Variants in SHANK2 observed in about 807,000 individuals in gnomAD.
The protein encoded by SHANK2 is SH3 and multiple ankyrin repeat domains protein 2.
A neutral mutation model predicts 133.7 loss-of-function variants in SHANK2; 43 were observed. The ratio of observed to expected loss-of-function variants is 0.32; its 90% CI spans 0.25 to 0.41. The LOEUF is 0.41. Among genes scored for constraint, SHANK2 ranks in the 10% least tolerant of loss-of-function variants. SHANK2 has a pLI of 1.00. For missense variants in SHANK2, 1,994 were observed against 2,235.8 expected (o/e 0.89, Z 2.18); for synonymous variants, 1,017 against 952.8 (o/e 1.07, Z -1.24).
intron 14 of SHANK2, among the ~76,000 whole-genome samples, chr11:70,793,089 A>G (rs1236326612): frequency 2.6e-5 from 4 of 152,226 alleles, no homozygotes; most frequent in African/African-American, 9.7e-5. Flanking sequence ...ACTAACGTGG[A>G]AGAAAAAAAG....
intron 8 of SHANK2, among the ~76,000 whole-genome samples, chr11:71,077,479 G>A: frequency 6.6e-6 from 1 of 152,254 alleles, no homozygotes; most frequent in East Asian, 1.9e-4. Context: ...CCAAGAGCAT[G>A]CTTCCATTTT....
intron 10 of SHANK2, among the ~76,000 whole-genome samples, chr11:70,905,102 G>A (rs782689434): frequency 1.3e-5 from 2 of 152,146 alleles, no homozygotes; most frequent in Non-Finnish European, 2.9e-5. Flanking sequence ...CAGGAGCAAG[G>A]ACAGCCCCAC....
intron 17 of SHANK2, among the ~76,000 whole-genome samples, chr11:70,573,253 G>A (rs543042887): frequency 7.2e-6 from 1 of 139,290 alleles, no homozygotes; most frequent in East Asian, 2.3e-4. Context: ...TGTGATGTGA[G>A]CTGGGTGGTC....
In SHANK2 at chr11:70,824,503, C is replaced by T. The variant is rs115906083; in HGVS notation, c.1175-3821G>A. ...ATCCATGAACGCCACCCAGGCTGGC[C>T]GGGGAGAGACAAGGAACGGAAAAAG... On this transcript the variant is annotated intron_variant, in intron 11 of 25. Coordinates refer to ENST00000601538, the MANE Select transcript of SHANK2 (RefSeq NM_012309.5). Among the ~76,000 whole-genome samples, 1,141 of 152,208 alleles carry T rather than the reference C, an allele frequency of 7.5e-3. 17 individuals carry two copies. Among genetic ancestry groups the T allele is most frequent in the African/African-American group, 0.026 (1,063 of 41,526 alleles).
At chr11:70,661,165 G>A (rs1246727380) in intron 16 of SHANK2, among the ~76,000 whole-genome samples, 6 of 152,174 alleles carry the variant, frequency 3.9e-5, no homozygotes, top group Admixed American at 6.5e-5. Context: ...CCCAGAATGG[G>A]GCAGTTTCTA....
intron 17 of SHANK2, among the ~76,000 whole-genome samples, chr11:70,566,872 G>A (rs1189786253): frequency 2.0e-5 from 3 of 152,194 alleles, no homozygotes; most frequent in Non-Finnish European, 4.4e-5. Context: ...GATTGGAGCA[G>A]AAAAGCCTCA....
At chr11:70,836,523 G>A (rs1167929957) in intron 11 of SHANK2, among the ~76,000 whole-genome samples, 2 of 152,222 alleles carry the variant, frequency 1.3e-5, no homozygotes, top group Admixed American at 6.5e-5. Flanking sequence ...CCTCTACATC[G>A]TTCCTGTTGC....
At chr11:70,545,909 C>A (rs1217080001) in intron 17 of SHANK2, among the ~76,000 whole-genome samples, 1 of 152,098 alleles carries the variant, frequency 6.6e-6, no homozygotes, top group African/African-American at 2.4e-5. Context: ...TTTGCTAGAA[C>A]CATTCACAAT....
chr11:71,210,250 A>ATATATT lies in SHANK2; in HGVS notation c.-13+14446_-13+14447insAATATA, dbSNP rs1353494730. On this transcript the variant is annotated intron_variant, in intron 2 of 25. Coordinates refer to ENST00000601538, the MANE Select transcript of SHANK2 (RefSeq NM_012309.5). Reference sequence around the variant, plus strand: ...TATATATATATATATATATATATATATATTTATTTATTTTTTGAAACAGAG... The same window carrying ATATATT: ...TATATATATATATATATATATATATATATATTTATTTATTTATTTTTTGAAACAGAG... Among the ~76,000 whole-genome samples the ATATATT allele has an allele frequency of 3.7e-3, 318 of 85,226 alleles. 2 individuals are homozygous for ATATATT. The highest frequency in any genetic ancestry group is 4.5e-3 in the Non-Finnish European group (217 of 47,720). The allele number at this position is 85,226 out of a possible 152,430, so 55.9% of individuals were successfully genotyped here.
chr11:70,729,704 T>G (rs1946245280), intron 14 of SHANK2, among the ~76,000 whole-genome samples: 1 of 144,558 alleles, frequency 6.9e-6, no homozygotes, highest in Non-Finnish European at 1.5e-5. Context: ...TTTTTTTGTA[T>G]TTTTTTTTTT....
chr11:70,503,503 G>GCC (rs1432265620), intron 17 of SHANK2, among the ~76,000 whole-genome samples: 7 of 152,350 alleles, frequency 4.6e-5, no homozygotes, highest in African/African-American at 1.7e-4. Context: ...GCCTGGCCCA[G>GCC]CAGGGTGCTT....
chr11:70,858,110 T>G (rs981244794), intron 11 of SHANK2, among the ~76,000 whole-genome samples: 6 of 152,156 alleles, frequency 3.9e-5, no homozygotes, highest in Non-Finnish European at 5.9e-5. Context: ...AGGAGCTAAA[T>G]TTAGGGTGAG....
Position 71,073,167 on chromosome 11 carries a change from T to G in SHANK2, c.1029+1992A>C, listed in dbSNP as rs1458276002. On this transcript the variant is annotated intron_variant, in intron 9 of 25. Transcript: ENST00000601538. Reference sequence around the variant, plus strand: ...CTTTTCTTTTTTTTCTTTTTTTTCTTTTTTTTTTTGAGATAGAGTCTTGCT... The same window carrying G: ...CTTTTCTTTTTTTTCTTTTTTTTCTGTTTTTTTTTGAGATAGAGTCTTGCT... Among the ~76,000 whole-genome samples, 380 of 94,406 alleles carry G rather than the reference T, an allele frequency of 4.0e-3. 49 individuals are homozygous for G. The highest frequency in any genetic ancestry group is 0.012 in the African/African-American group (354 of 30,726). 61.9% of individuals were successfully genotyped at this position (94,406 alleles called of 152,430 possible). A position where few individuals can be genotyped will look rare whatever the true frequency, so the allele number is the denominator to read the frequency against.
At chr11:71,129,446 C>G (rs1191180112) in intron 3 of SHANK2, among the ~76,000 whole-genome samples, 23 of 152,084 alleles carry the variant, frequency 1.5e-4, no homozygotes, top group Admixed American at 1.1e-3. Context: ...AAAGAGCAGG[C>G]GAGGCAACAT....
chr11:71,150,361 AGAGGGAGGGACAAG>A lies in SHANK2; in HGVS notation c.-12-3037_-12-3024del, dbSNP rs1385074861. 4.7e-5 allele frequency among the ~76,000 whole-genome samples: 3 copies of A among 63,378 alleles called. No homozygotes were observed. In the East Asian group the frequency reaches 1.8e-3, roughly 37 times the overall value. 41.6% of individuals were successfully genotyped at this position (63,378 alleles called of 152,430 possible). On this transcript the variant is annotated intron_variant, in intron 2 of 25. Coordinates refer to ENST00000601538, the MANE Select transcript of SHANK2 (RefSeq NM_012309.5). ...GGGAGGGACAGGGAGGGAGGGAGGGAGAGGGAGGGACAAGGAGGGAGGGAGAGGGAGGGACAGGG... is the reference window on the plus strand; with the variant it reads ...GGGAGGGACAGGGAGGGAGGGAGGGAGAGGGAGGGAGAGGGAGGGACAGGG...
intron 17 of SHANK2, among the ~76,000 whole-genome samples, chr11:70,522,919 G>A (rs1385332268): frequency 6.6e-6 from 1 of 152,066 alleles, no homozygotes; most frequent in Non-Finnish European, 1.5e-5. Context: ...CCGGCAACGT[G>A]CGGCCGCGGG....
chr11:71,204,714 GAC>G (rs1314587657), intron 2 of SHANK2, among the ~76,000 whole-genome samples: 1 of 152,194 alleles, frequency 6.6e-6, no homozygotes, highest in African/African-American at 2.4e-5. Flanking sequence ...CCTGACCAGA[GAC>G]ACAGAAAACA....
Position 70,841,463 on chromosome 11 carries a change from G to C in SHANK2, c.1175-20781C>G, listed in dbSNP as rs1387834815. Reference sequence around the variant, plus strand: ...TTCAGAGCAGGTCAGCAACTGGATGGAGGTCACACAGCCAGGCCAAGATGT... The same window carrying C: ...TTCAGAGCAGGTCAGCAACTGGATGCAGGTCACACAGCCAGGCCAAGATGT... On this transcript the variant is annotated intron_variant, in intron 11 of 25. Coordinates refer to ENST00000601538, the MANE Select transcript of SHANK2 (RefSeq NM_012309.5). Among the ~76,000 whole-genome samples, 3 of 152,190 alleles carry C rather than the reference G, an allele frequency of 2.0e-5. No homozygotes were observed. In the East Asian group the frequency reaches 5.8e-4, roughly 29 times the overall value.
At chr11:71,069,323 C>CA (rs1951111422) in intron 9 of SHANK2, among the ~76,000 whole-genome samples, 1 of 151,924 alleles carries the variant, frequency 6.6e-6, no homozygotes, top group South Asian at 2.1e-4. Flanking sequence ...TATCAACCAC[C>CA]ACTATCATCA....
Sources: allele counts gnomAD v4.1 joint callset (sites outside exome capture counted in the v4.1 genomes callset), GRCh38; gene constraint gnomAD v4.1.1; transcripts MANE v1.5; gene names NCBI Gene and HGNC (gene_info 2026-07-23, HGNC 2026-07-21).